IL1RAPL1: variants seen among roughly 807,000 people sequenced by gnomAD.
IL1RAPL1 encodes the protein interleukin 1 receptor accessory protein like 1.
A neutral mutation model predicts 48.4 loss-of-function variants in IL1RAPL1; 3 were observed. The ratio of observed to expected loss-of-function variants is 0.06; its 90% CI spans 0.03 to 0.16. The LOEUF (loss-of-function observed/expected upper bound fraction) is 0.16. Ranked by LOEUF, IL1RAPL1 falls within the 10% of genes least tolerant of loss-of-function variation. The probability of loss-of-function intolerance (pLI) is 1.00; values close to 1 mark genes in which losing one functional copy is unlikely to be tolerated. For missense variants in IL1RAPL1, 349 were observed against 530.6 expected, an observed-to-expected ratio of 0.66 and a Z score of 3.36; for synonymous variants, 185 against 187.7, an observed-to-expected ratio of 0.99 and a Z score of 0.12.
chrX:28,962,882 A>ATG (rs56826606), intron 2 of IL1RAPL1, among the ~76,000 whole-genome samples: 17,231 of 95,818 alleles, frequency 0.18, 1,354 homozygotes, highest in Middle Eastern at 0.31. Context: ...GTCTGTGTGT[A>ATG]TGTGTGTGTG....
intron 1 of IL1RAPL1, among the ~76,000 whole-genome samples, chrX:28,602,473 T>A (rs1219241462): frequency 8.9e-6 from 1 of 112,345 alleles, no homozygotes; most frequent in Non-Finnish European, 1.9e-5. Context: ...TCTTTTGCAT[T>A]TTTTACTCAA....
intron 5 of IL1RAPL1, among the ~76,000 whole-genome samples, chrX:29,637,840 G>A (rs1233430162): frequency 1.8e-5 from 2 of 111,763 alleles, no homozygotes; most frequent in Non-Finnish European, 3.8e-5. Flanking sequence ...CAATAGCAAA[G>A]GAATAGAATG....
chrX:28,942,634 A>G (rs1439218826), intron 2 of IL1RAPL1: 2 of 103,733 alleles, frequency 1.9e-5, no homozygotes, highest in African/African-American at 7.0e-5. Flanking sequence ...ATATAGGAAT[A>G]TAAGACATCT....
rs745317832 is a variant in IL1RAPL1 at position 29,748,049 on chromosome X, G to A, written c.778+79545G>A. Reference sequence around the variant, plus strand: ...CTGCTACCTCCATGATTTCATTACTGTCATGTGCCGTTGGGACGCTTATAA... The same window carrying A: ...CTGCTACCTCCATGATTTCATTACTATCATGTGCCGTTGGGACGCTTATAA... On this transcript the variant is annotated intron_variant, in intron 6 of 10. Transcript: ENST00000378993. Among the ~76,000 whole-genome samples the A allele has an allele frequency of 3.6e-5, 4 of 112,141 alleles. No individual in the cohort carries two copies. In the South Asian group the frequency reaches 1.5e-3, roughly 42 times the overall value.
chrX:28,838,684 A>G (rs1039740082), intron 2 of IL1RAPL1, among the ~76,000 whole-genome samples: 11 of 110,945 alleles, frequency 9.9e-5, no homozygotes, highest in Non-Finnish European at 1.9e-5. Flanking sequence ...TGGCAATTGC[A>G]AACAATACCA....
At chrX:29,728,876 C>T (rs1174223712) in intron 6 of IL1RAPL1, among the ~76,000 whole-genome samples, 1 of 111,636 alleles carries the variant, frequency 9.0e-6, no homozygotes, top group Non-Finnish European at 1.9e-5. Context: ...CATGCCTATA[C>T]CTCAGCTGGA....
intron 3 of IL1RAPL1, among the ~76,000 whole-genome samples, chrX:29,354,603 ATTC>A (rs1348620562): frequency 8.9e-6 from 1 of 112,207 alleles, no homozygotes; most frequent in African/African-American, 3.2e-5. Context: ...GCTGTTCAGC[ATTC>A]TGACAGAAGA....
At chrX:29,904,702 C>A (rs1028678084) in intron 6 of IL1RAPL1, among the ~76,000 whole-genome samples, 5 of 111,881 alleles carry the variant, frequency 4.5e-5, no homozygotes, top group Non-Finnish European at 9.4e-5. Context: ...GACATGATCT[C>A]ATTCCTTTTT....
intron 6 of IL1RAPL1, among the ~76,000 whole-genome samples, chrX:29,869,601 C>T (rs1197709504): frequency 9.0e-6 from 1 of 111,249 alleles, no homozygotes; most frequent in Admixed American, 9.6e-5. Context: ...AACTTCTTGC[C>T]ACAGTTATCT....
intron 2 of IL1RAPL1, among the ~76,000 whole-genome samples, chrX:28,789,931 A>G (rs1305634433): frequency 8.9e-6 from 1 of 112,038 alleles, no homozygotes; most frequent in Non-Finnish European, 1.9e-5. Context: ...AATAGGAAAT[A>G]TAGAGGTAAA....
chrX:29,502,618 AT>A (rs1273306481), intron 5 of IL1RAPL1, among the ~76,000 whole-genome samples: 1 of 110,764 alleles, frequency 9.0e-6, no homozygotes, highest in African/African-American at 3.3e-5. Context: ...GTATTTATTG[AT>A]TTGTATATGT....
intron 2 of IL1RAPL1, among the ~76,000 whole-genome samples, chrX:29,020,280 A>C (rs1926334410): frequency 8.9e-6 from 1 of 112,522 alleles, no homozygotes; most frequent in Admixed American, 9.4e-5. Flanking sequence ...GCTCTGCATG[A>C]TGTTTTGGTA....
At chrX:28,868,060 T>C (rs753677192) in intron 2 of IL1RAPL1, among the ~76,000 whole-genome samples, 1 of 111,866 alleles carries the variant, frequency 8.9e-6, no homozygotes, top group Admixed American at 9.6e-5. Context: ...ATCTTTTTAT[T>C]TTTCAAAGAT....
intron 1 of IL1RAPL1, among the ~76,000 whole-genome samples, chrX:28,652,200 A>G (rs1358748735): frequency 9.0e-6 from 1 of 111,462 alleles, no homozygotes; most frequent in African/African-American, 3.3e-5. Context: ...GGCAGTGATT[A>G]AGAGGCAGGA....
At chrX:29,911,879 T>C (rs1407990345) in intron 6 of IL1RAPL1, among the ~76,000 whole-genome samples, 3 of 111,633 alleles carry the variant, frequency 2.7e-5, no homozygotes, top group Non-Finnish European at 3.8e-5. Flanking sequence ...ACTCCCCCTA[T>C]CGTCTTTTTC....
intron 6 of IL1RAPL1, among the ~76,000 whole-genome samples, chrX:29,711,067 T>TACACACAC (rs778770426): frequency 1.1e-4 from 1 of 8,905 alleles, no homozygotes. Flanking sequence ...TGTGTGTGTG[T>TACACACAC]ATACACACAC....
At chrX:29,181,378 A>G (rs181595214) in intron 2 of IL1RAPL1, among the ~76,000 whole-genome samples, 125 of 112,086 alleles carry the variant, frequency 1.1e-3, no homozygotes, top group Non-Finnish European at 1.8e-3. Context: ...TCTTTTGACC[A>G]TAAGAACATT....
intron 5 of IL1RAPL1, among the ~76,000 whole-genome samples, chrX:29,474,537 T>A (rs1453645982): frequency 1.8e-5 from 2 of 112,026 alleles, no homozygotes; most frequent in African/African-American, 6.5e-5. Context: ...GAGGTTTAAT[T>A]GGCTCACAGT....
chrX:29,770,144 T>C (rs991378335), intron 6 of IL1RAPL1, among the ~76,000 whole-genome samples: 3 of 111,900 alleles, frequency 2.7e-5, no homozygotes, highest in Non-Finnish European at 5.6e-5. Flanking sequence ...GACAACTACA[T>C]AATTATTGGC....
Sources: allele counts gnomAD v4.1 joint callset (sites outside exome capture counted in the v4.1 genomes callset), GRCh38; gene constraint gnomAD v4.1.1; transcripts MANE v1.5; gene names NCBI Gene and HGNC (gene_info 2026-07-23, HGNC 2026-07-21).